The following HSD17B3 variants were observed in gnomAD, a reference collection of about 807,000 sequenced individuals.
The protein encoded by HSD17B3 is 17-beta-hydroxysteroid dehydrogenase type 3.
HSD17B3 carries 29 observed loss-of-function variants against 41.1 expected under a neutral mutation model. The ratio of observed to expected loss-of-function variants is 0.71; its 90% CI spans 0.53 to 0.96. The LOEUF is 0.96. HSD17B3 is among the 40% of genes least tolerant of loss of function. The pLI is 0.00. For missense variants in HSD17B3, 323 were observed against 374.6 expected (o/e 0.86, Z 1.14); for synonymous variants, 126 against 145.6 (o/e 0.87, Z 0.97).
At position 96,258,021 on chromosome 9, in the gene HSD17B3, T is replaced by G. The variant is rs572581965; in HGVS notation, c.202-3078A>C. 1.2e-4 allele frequency among the ~76,000 whole-genome samples: 18 copies of G among 152,340 alleles called. No homozygotes were observed. In the South Asian group the frequency reaches 1.5e-3, roughly 12 times the overall value. On this transcript the variant is annotated intron_variant, in intron 2 of 10. Transcript: ENST00000375263. ...TGGGGCTGAGCATCATTTGCTATGT[T>G]ATGTGTGAATTACCAGTACATACCC... is the stretch of plus-strand genomic sequence containing the variant.
intron 10 of HSD17B3, among the ~76,000 whole-genome samples, chr9:96,240,298 A>G (rs964712144): frequency 6.6e-5 from 10 of 152,246 alleles, no homozygotes; most frequent in Non-Finnish European, 1.3e-4. Context: ...ATTCATGCAC[A>G]CAGCGTCATG....
chr9:96,266,046 C>A (rs1382127046), intron 2 of HSD17B3, among the ~76,000 whole-genome samples: 2 of 152,128 alleles, frequency 1.3e-5, no homozygotes, highest in Admixed American at 6.5e-5. Flanking sequence ...AAGAAGAGAG[C>A]ACACGAATAA....
intron 2 of HSD17B3, among the ~76,000 whole-genome samples, chr9:96,285,959 T>C (rs185769209): frequency 7.4e-4 from 112 of 152,318 alleles, no homozygotes; most frequent in Non-Finnish European, 1.3e-3. Flanking sequence ...TGAGACTTAC[T>C]TGGCTGCATT....
At chr9:96,250,604 C>T (rs553130506) in intron 5 of HSD17B3, 11 of 400,858 alleles carry the variant, frequency 2.7e-5, no homozygotes, top group Admixed American at 6.2e-5. Context: ...CTGTTAAATG[C>T]GGCCGGGCGC....
At chr9:96,240,703 G>T in intron 10 of HSD17B3, 55 bp downstream of exon 10, 1 of 1,589,460 alleles carries the variant, frequency 6.3e-7, no homozygotes, top group Non-Finnish European at 8.6e-7. Context: ...CCCTGCCAGG[G>T]CCACCTGCGT....
intron 2 of HSD17B3, among the ~76,000 whole-genome samples, chr9:96,286,159 C>T (rs1274124079): frequency 6.6e-6 from 1 of 152,140 alleles, no homozygotes; most frequent in South Asian, 2.1e-4. Context: ...GCCTGGCCAA[C>T]ATGACAAAAC....
chr9:96,263,814 T>A (rs955525599), intron 2 of HSD17B3, among the ~76,000 whole-genome samples: 1 of 152,130 alleles, frequency 6.6e-6, no homozygotes, highest in Non-Finnish European at 1.5e-5. Flanking sequence ...TGCAAAGATA[T>A]TGCTCAAAGG....
chr9:96,301,442 G>A (rs1342388862), intron 1 of HSD17B3, among the ~76,000 whole-genome samples: 1 of 151,160 alleles, frequency 6.6e-6, no homozygotes, highest in African/African-American at 2.4e-5. Flanking sequence ...GCTGGGTGCG[G>A]TGGCTCACGC....
intron 2 of HSD17B3, among the ~76,000 whole-genome samples, chr9:96,260,590 T>C (rs1587739733): frequency 6.6e-6 from 1 of 151,990 alleles, no homozygotes; most frequent in South Asian, 2.1e-4. Flanking sequence ...TGAAACGCCA[T>C]CTCTACTTTA....
In HSD17B3 at chr9:96,240,858, G is replaced by C. The variant is rs150686885; in HGVS notation, c.722C>G (p.Thr241Arg). 1.9e-6 allele frequency: 3 copies of C among 1,614,072 alleles called. No individual in the cohort carries two copies. Among genetic ancestry groups the C allele is most frequent in the Non-Finnish European group, 1.7e-6 (2 of 1,180,020 alleles). ...ATCAGCAGTCTTGGTTATCACATTT[G>C]TATTTAGATACTTTGTCATTGCAGT... ...VSTAMTKYLN[T>R]NVITKTADEF... The change falls in exon 10 of 11, where the codon ACA becomes AGA. Residue 241 changes from threonine to arginine, a missense_variant. Coordinates refer to ENST00000375263, the MANE Select transcript of HSD17B3 (RefSeq NM_000197.2).
chr9:96,263,770 A>C (rs911920370), intron 2 of HSD17B3, among the ~76,000 whole-genome samples: 3 of 152,114 alleles, frequency 2.0e-5, no homozygotes, highest in Admixed American at 6.5e-5. Context: ...AAGCTACAAG[A>C]ACAAGAATAG....
rs144804974 is a variant in HSD17B3 at position 96,280,501 on chromosome 9, C to T, written c.201+17915G>A. 8.5e-5 allele frequency among the ~76,000 whole-genome samples: 13 copies of T among 152,214 alleles called. No homozygotes were observed. The East Asian group carries it at 2.5e-3, about 29-fold the overall frequency. Reference sequence around the variant, plus strand: ...AAAAATAACTAAAAACTCAATTTATCCAGGGTTCTGGCAGAAATAGCACAC... The same window carrying T: ...AAAAATAACTAAAAACTCAATTTATTCAGGGTTCTGGCAGAAATAGCACAC... On this transcript the variant is annotated intron_variant, in intron 2 of 10. Coordinates refer to ENST00000375263, the MANE Select transcript of HSD17B3 (RefSeq NM_000197.2).
At chr9:96,297,497 C>G (rs1827413197) in intron 2 of HSD17B3, among the ~76,000 whole-genome samples, 1 of 152,054 alleles carries the variant, frequency 6.6e-6, no homozygotes, top group South Asian at 2.1e-4. Context: ...CAGGCACCTG[C>G]CAACACACCC....
intron 2 of HSD17B3, among the ~76,000 whole-genome samples, chr9:96,261,080 A>G (rs1275996446): frequency 3.3e-5 from 5 of 152,202 alleles, no homozygotes; most frequent in Non-Finnish European, 5.9e-5. Flanking sequence ...AAATCTCAGC[A>G]GTTTAACACA....
At chr9:96,276,457 G>A (rs1181164712) in intron 2 of HSD17B3, among the ~76,000 whole-genome samples, 1 of 152,072 alleles carries the variant, frequency 6.6e-6, no homozygotes, top group South Asian at 2.1e-4. Context: ...ACAATCTTGA[G>A]CAAGAAGAAC....
chr9:96,273,671 C>T (rs1255874686), intron 2 of HSD17B3, among the ~76,000 whole-genome samples: 1 of 152,114 alleles, frequency 6.6e-6, no homozygotes, highest in Non-Finnish European at 1.5e-5. Context: ...TCAACTCTGA[C>T]ACCAGGAGGG....
chr9:96,263,272 G>A (rs900742906), intron 2 of HSD17B3, among the ~76,000 whole-genome samples: 1 of 152,100 alleles, frequency 6.6e-6, no homozygotes, highest in Non-Finnish European at 1.5e-5. Context: ...TGGTCACCTC[G>A]CAAGCCTCAC....
intron 6 of HSD17B3, among the ~76,000 whole-genome samples, chr9:96,248,482 C>G (rs1836761753): frequency 6.6e-6 from 1 of 152,194 alleles, no homozygotes; most frequent in African/African-American, 2.4e-5. Flanking sequence ...GAGCCTTCTG[C>G]TAGTCTCCAA....
intron 2 of HSD17B3, among the ~76,000 whole-genome samples, chr9:96,262,357 C>A (rs1032483614): frequency 6.7e-6 from 1 of 150,218 alleles, no homozygotes; most frequent in Non-Finnish European, 1.5e-5. Flanking sequence ...CAGTTCTCTG[C>A]CTCAGCCTCC....
Sources: gnomAD v4.1 joint callset for allele counts (sites outside exome capture counted in the v4.1 genomes callset) on GRCh38, gnomAD v4.1.1 for gene constraint, MANE v1.5 for transcripts, NCBI Gene and HGNC (gene_info 2026-07-23, HGNC 2026-07-21) for gene names.